The following KANK1 variants were observed in gnomAD, a reference collection of about 807,000 sequenced individuals.
KANK1 encodes KN motif and ankyrin repeat domains 1.
In KANK1, 109 loss-of-function variants were observed where a neutral mutation model predicts 106.2. The observed-to-expected ratio is 1.03, with a 90% confidence interval of 0.88 to 1.20. The LOEUF (loss-of-function observed/expected upper bound fraction) is 1.20. KANK1 is among the 50% of genes most tolerant of loss of function. KANK1 has a pLI of 0.00. For synonymous variants in KANK1, 873 were observed against 652.2 expected, an observed-to-expected ratio of 1.34 and a Z score of -5.16; for missense variants, 2,399 against 1,710.7, an observed-to-expected ratio of 1.40 and a Z score of -7.10.
intron 1 of KANK1, among the ~76,000 whole-genome samples, chr9:669,998 A>T (rs1030527487): frequency 1.3e-5 from 2 of 152,080 alleles, no homozygotes; most frequent in African/African-American, 4.8e-5. Context: ...CCTCTGCTTG[A>T]TGCATTCTGC....
At chr9:725,166 A>G (rs1830339422) in intron 3 of KANK1, among the ~76,000 whole-genome samples, 2 of 152,166 alleles carry the variant, frequency 1.3e-5, no homozygotes, top group African/African-American at 4.8e-5. Context: ...TCACCGAATT[A>G]GGAAATGTGA....
intron 1 of KANK1, among the ~76,000 whole-genome samples, chr9:578,722 C>G (rs1303039438): frequency 5.3e-5 from 8 of 152,156 alleles, no homozygotes; most frequent in Non-Finnish European, 1.2e-4. Context: ...CTTCTTTACC[C>G]TCAAGAAATT....
intron 1 of KANK1, among the ~76,000 whole-genome samples, chr9:518,615 G>C (rs769466613): frequency 5.9e-5 from 9 of 151,738 alleles, no homozygotes; most frequent in Admixed American, 2.0e-4. Context: ...GTTTAAGTGT[G>C]TAAAGAGGAG....
chr9:687,266 C>G (rs575499346), intron 2 of KANK1, among the ~76,000 whole-genome samples: 2 of 152,190 alleles, frequency 1.3e-5, no homozygotes, highest in Non-Finnish European at 1.5e-5. Context: ...GCCTTTTTCT[C>G]CCTGCTTTGT....
At position 567,543 on chromosome 9, in the gene KANK1, G is replaced by GT. The variant is rs371523760; in HGVS notation, c.-84+62793dup. ...GGGTCAGATATCTCTTACTGTCACA[G>GT]TTTTGCAAAAGCAGTTTCACTTCCC... On this transcript the variant is annotated intron_variant, in intron 1 of 11. Transcript: ENST00000382297. Among the ~76,000 whole-genome samples the GT allele has an allele frequency of 2.6e-5, 4 of 152,336 alleles. No individual in the cohort carries two copies. The East Asian group carries it at 7.7e-4, about 29-fold the overall frequency.
Position 712,062 on chromosome 9 carries a change from G to C in KANK1, c.1296G>C (p.Glu432Asp), listed in dbSNP as rs1223411732. The C allele has an allele frequency of 1.2e-6, 2 of 1,614,166 alleles. No individual in the cohort carries two copies. Among genetic ancestry groups the C allele is most frequent in the East Asian group, 4.5e-5 (2 of 44,882 alleles). The change falls in exon 3 of 12, where the codon GAG (glutamate) becomes GAC (aspartate). Residue 432 changes from glutamate (E) to aspartate (D), a missense_variant. Coordinates refer to ENST00000382297, the MANE Select transcript of KANK1 (RefSeq NM_015158.5). ...ATGCAGCTGTAGGGACACTTGTTGA[G>C]ATGAGAAATTGTGGGGTCAGCGTGA... Reference protein sequence around the residue: ...CKDAAVGTLVEMRNCGVSVTE... With the variant: ...CKDAAVGTLVDMRNCGVSVTE...
intron 1 of KANK1, among the ~76,000 whole-genome samples, chr9:521,463 C>T (rs995830794): frequency 6.6e-6 from 1 of 151,608 alleles, no homozygotes; most frequent in African/African-American, 2.4e-5. Flanking sequence ...AACCTGCTTC[C>T]AGCTCTTAGT....
chr9:633,766 C>G (rs542621066), intron 1 of KANK1, among the ~76,000 whole-genome samples: 1 of 152,280 alleles, frequency 6.6e-6, no homozygotes, highest in East Asian at 1.9e-4. Flanking sequence ...GGTGTTCCTG[C>G]CTTAGCCTCC....
rs182269216 is a variant in KANK1 at position 714,046 on chromosome 9, C to G, written c.2698+582C>G. Among the ~76,000 whole-genome samples, 3 of 152,142 alleles carry G rather than the reference C, an allele frequency of 2.0e-5. No homozygotes were observed. In the East Asian group the frequency reaches 5.8e-4, roughly 29 times the overall value. On this transcript the variant is annotated intron_variant, in intron 3 of 11. Coordinates refer to ENST00000382297, the MANE Select transcript of KANK1 (RefSeq NM_015158.5). ...TAGAGCCCAGAAATTTGAGACCAGC[C>G]TGGGCAACATAGTAAGACCTCCATT...
chr9:655,408 A>G (rs1342063944), intron 1 of KANK1, among the ~76,000 whole-genome samples: 3 of 149,570 alleles, frequency 2.0e-5, no homozygotes, highest in Non-Finnish European at 1.5e-5. Context: ...ATTGTGAACC[A>G]TTACTGTAGG....
chr9:694,551 T>G (rs1820765493), intron 2 of KANK1, among the ~76,000 whole-genome samples: 1 of 152,104 alleles, frequency 6.6e-6, no homozygotes, highest in Admixed American at 6.6e-5. Flanking sequence ...AGATTTGGGG[T>G]AAAGAGTTGC....
At chr9:677,679 C>G (rs546105418) in intron 2 of KANK1, 1 of 152,276 alleles carries the variant, frequency 6.6e-6, no homozygotes, top group Admixed American at 6.5e-5. Context: ...GTGTTCATTT[C>G]TTTTTTGAGT....
At chr9:664,443 AC>A (rs1844101078) in intron 1 of KANK1, among the ~76,000 whole-genome samples, 1 of 151,988 alleles carries the variant, frequency 6.6e-6, no homozygotes, top group African/African-American at 2.4e-5. Flanking sequence ...GTGTATTTTT[AC>A]CACACTTTCT....
At chr9:718,163 C>T (rs1828228370) in intron 3 of KANK1, among the ~76,000 whole-genome samples, 2 of 152,072 alleles carry the variant, frequency 1.3e-5, no homozygotes, top group Admixed American at 6.6e-5. Flanking sequence ...TCTTTTAATG[C>T]TCAAAAGCAC....
intron 1 of KANK1, among the ~76,000 whole-genome samples, chr9:554,455 T>A (rs535066002): frequency 6.6e-6 from 1 of 152,326 alleles, no homozygotes; most frequent in East Asian, 1.9e-4. Context: ...TTAACCCTTT[T>A]CCCACTTAGA....
chr9:488,205 A>G (rs1247040121), intron 3 of KANK1, among the ~76,000 whole-genome samples: 1 of 152,180 alleles, frequency 6.6e-6, no homozygotes, highest in African/African-American at 2.4e-5. Context: ...GGTAATGTGT[A>G]TGCATTTTGA....
rs147203548 is a variant in KANK1 at position 659,618 on chromosome 9, C to G, written c.-83-17272C>G. ...TTCCACAGGCTGTAAAGAAGCATGG[C>G]TGGGAAGCGTCAGGAAACTTACAGT... is the stretch of plus-strand genomic sequence containing the variant. On this transcript the variant is annotated intron_variant, in intron 1 of 11. Coordinates refer to ENST00000382297, the MANE Select transcript of KANK1 (RefSeq NM_015158.5). Among the ~76,000 whole-genome samples the G allele has an allele frequency of 2.1e-3, 326 of 152,208 alleles. 3 individuals carry two copies. Among genetic ancestry groups the G allele is most frequent in the African/African-American group, 7.5e-3 (310 of 41,512 alleles).
chr9:697,284 C>G (rs556739114), intron 2 of KANK1, among the ~76,000 whole-genome samples: 66 of 152,252 alleles, frequency 4.3e-4, no homozygotes, highest in African/African-American at 1.4e-3. Flanking sequence ...AAAAGTGATG[C>G]TCTGCTCTTC....
chr9:578,681 GAAAAT>G (rs1185775022), intron 1 of KANK1, among the ~76,000 whole-genome samples: 4 of 152,054 alleles, frequency 2.6e-5, no homozygotes, highest in African/African-American at 9.7e-5. Context: ...CATGACAATT[GAAAAT>G]AAAATAACCA....
Sources: gnomAD v4.1 joint callset for allele counts (sites outside exome capture counted in the v4.1 genomes callset) on GRCh38, gnomAD v4.1.1 for gene constraint, MANE v1.5 for transcripts, NCBI Gene and HGNC (gene_info 2026-07-23, HGNC 2026-07-21) for gene names.